Variants in CACNA1B observed in about 807,000 individuals in gnomAD.
CACNA1B encodes voltage-dependent N-type calcium channel subunit alpha-1B.
CACNA1B carries 70 observed loss-of-function variants against 247.2 expected under a neutral mutation model. The ratio of observed to expected loss-of-function variants is 0.28; its 90% confidence interval spans 0.23 to 0.35. The LOEUF (loss-of-function observed/expected upper bound fraction) is 0.35. Ranked by LOEUF, CACNA1B falls within the 10% of genes least tolerant of loss-of-function variation. The pLI is 1.00. For synonymous variants in CACNA1B, 1,231 were observed against 1,294.4 expected (o/e 0.95, Z 1.05); for missense variants, 2,367 against 3,197.4 (o/e 0.74, Z 6.26).
intron 15 of CACNA1B, among the ~76,000 whole-genome samples, chr9:138,006,155 G>C (rs1958646706): frequency 6.6e-6 from 1 of 152,182 alleles, no homozygotes; most frequent in Admixed American, 6.5e-5. Flanking sequence ...GTCACGGGGA[G>C]GGGGACCATT....
chr9:137,953,285 A>G (rs1564205305), intron 7 of CACNA1B, among the ~76,000 whole-genome samples: 3 of 152,226 alleles, frequency 2.0e-5, no homozygotes, highest in South Asian at 2.1e-4. Flanking sequence ...CCTTGGCCTC[A>G]GCTCCCCAGT....
intron 20 of CACNA1B, among the ~76,000 whole-genome samples, chr9:138,034,206 T>G (rs1344383006): frequency 6.6e-6 from 1 of 152,144 alleles, no homozygotes. Flanking sequence ...GCTTGCTCCA[T>G]TGAGTAAGAG....
Position 138,058,973 on chromosome 9 carries a change from G to A in CACNA1B, c.4474-106G>A. 1 of 753,064 alleles carries A rather than the reference G, an allele frequency of 1.3e-6. No individual in the cohort carries two copies. The highest frequency in any genetic ancestry group is 2.3e-6 in the Non-Finnish European group (1 of 430,608). The allele number at this position is 753,064 out of a possible 1,614,324, so 46.6% of individuals were successfully genotyped here. On this transcript the variant is annotated intron_variant, in intron 29 of 46. Transcript: ENST00000371372. This position sits in a 1 kb window ranked among gnomAD's most constrained non-coding sequence, Gnocchi z 4.7. ...GCAGGAAGGGGTGTCCCAGGCCTAG[G>A]CAGGCATCGAGTTCTGTCTGCCCGC...
chr9:137,893,162 A>T (rs1480840624), intron 3 of CACNA1B, among the ~76,000 whole-genome samples: 3 of 151,982 alleles, frequency 2.0e-5, no homozygotes, highest in Non-Finnish European at 4.4e-5. Context: ...GGCCCGGTGC[A>T]CAGCTGCTAG....
Position 137,973,891 on chromosome 9 carries a change from C to T in CACNA1B, c.1544-2016C>T, listed in dbSNP as rs1335987047. The stretch of plus-strand genomic sequence containing the variant: ...AGTTTTACCGTTTGCATTTCTTGTA[C>T]TTGTTCCTTGCAAAGTGCTCTCACT... On this transcript the variant is annotated intron_variant, in intron 11 of 46. Transcript: ENST00000371372. This position sits in a 1 kb window ranked among gnomAD's most constrained non-coding sequence, Gnocchi z 4.1. 1.3e-5 allele frequency among the ~76,000 whole-genome samples: 2 copies of T among 152,158 alleles called. No homozygotes were observed. Among genetic ancestry groups the T allele is most frequent in the African/African-American group, 2.4e-5 (1 of 41,422 alleles).
At chr9:138,105,863 C>T in intron 39 of CACNA1B, 56 bp downstream of exon 39, 1 of 955,182 alleles carries the variant, frequency 1.0e-6, no homozygotes, top group South Asian at 1.4e-5. Context: ...GCACCTCCGC[C>T]CTCAGTGTCA....
At chr9:137,885,124 G>A (rs1956991801) in intron 3 of CACNA1B, among the ~76,000 whole-genome samples, 1 of 149,446 alleles carries the variant, frequency 6.7e-6, no homozygotes, top group Admixed American at 6.7e-5. Flanking sequence ...TCTGCAGCAG[G>A]GCCTGGGCGT....
intron 36 of CACNA1B, among the ~76,000 whole-genome samples, chr9:138,094,567 AAT>A (rs1397947498): frequency 1.3e-5 from 2 of 152,128 alleles, no homozygotes; most frequent in Non-Finnish European, 2.9e-5. Flanking sequence ...ATCATGGTCA[AAT>A]ATGCCACAAG....
In CACNA1B at chr9:137,955,813, G is replaced by C; in HGVS notation, c.1186G>C (p.Glu396Gln). 6.3e-7 allele frequency: 1 copy of C among 1,589,186 alleles called. No individual in the cohort carries two copies. Among genetic ancestry groups the C allele is most frequent in the Non-Finnish European group, 8.6e-7 (1 of 1,162,834 alleles). ...GTACCTGGAGTGGATCTTCAAGGCG[G>C]GTGAGGGCCCGTGGGAGCCACTGCA... ...NGYLEWIFKA[E>Q]EVMLAEEDRN... The change falls in exon 8 of 47, where the codon GAG becomes CAG. Residue 396 changes from glutamate (E) to glutamine (Q), a missense_variant and splice_region_variant. Around this residue, in one of 12 missense-constraint regions of CACNA1B, gnomAD observed 219 missense variants for 297.6 expected, o/e 0.74. Coordinates refer to ENST00000371372, the MANE Select transcript of CACNA1B (RefSeq NM_000718.4). This position sits in a 1 kb window ranked among gnomAD's most constrained non-coding sequence, Gnocchi z 6.9.
At chr9:138,026,440 C>T (rs567584869) in intron 20 of CACNA1B, among the ~76,000 whole-genome samples, 1 of 152,320 alleles carries the variant, frequency 6.6e-6, no homozygotes, top group South Asian at 2.1e-4. Context: ...ATGCTCTTCC[C>T]CACACCCCTG....
chr9:137,995,212 C>CAAAAAAAAAAAAAAAAAAAATCAGAAA (rs34306133), intron 15 of CACNA1B, among the ~76,000 whole-genome samples: 1 of 115,746 alleles, frequency 8.6e-6, no homozygotes. Flanking sequence ...GACTCCGTCT[C>CAAAAAAAAAAAAAAAAAAAATCAGAAA]AAAAAAAAAA....
intron 18 of CACNA1B, among the ~76,000 whole-genome samples, chr9:138,021,010 C>T (rs1958838597): frequency 6.6e-6 from 1 of 152,202 alleles, no homozygotes; most frequent in Non-Finnish European, 1.5e-5. Context: ...AGCCCAGGCC[C>T]CTCTCGGGCA....
Position 138,100,323 on chromosome 9 carries a change from A to G in CACNA1B, c.5223-2388A>G, listed in dbSNP as rs1313349490. On this transcript the variant is annotated intron_variant, in intron 37 of 46. Coordinates refer to ENST00000371372, the MANE Select transcript of CACNA1B (RefSeq NM_000718.4). The surrounding 1 kb of genome is among the most constrained non-coding windows in gnomAD (Gnocchi z 4.6). ...ACAAGTCGCTTTGATTTTGCGTTGT[A>G]GACAGTGGGCTCAGTCCTTGCATCG... is the stretch of plus-strand genomic sequence containing the variant. 3.3e-5 allele frequency among the ~76,000 whole-genome samples: 5 copies of G among 152,076 alleles called. No individual in the cohort carries two copies. The highest frequency in any genetic ancestry group is 2.1e-4 in the South Asian group (1 of 4,814).
At chr9:137,947,902 G>A (rs1213769531) in intron 6 of CACNA1B, among the ~76,000 whole-genome samples, 1 of 150,746 alleles carries the variant, frequency 6.6e-6, no homozygotes, top group African/African-American at 2.4e-5. Flanking sequence ...TAATGTGTTT[G>A]CCTGGGGTTT....
At position 138,052,249 on chromosome 9, in the gene CACNA1B, CGT is replaced by C. The variant is rs140068697; in HGVS notation, c.3807+74_3807+75del. On this transcript the variant is annotated intron_variant, in intron 25 of 46. Transcript: ENST00000371372. The surrounding 1 kb of genome is among the most constrained non-coding windows in gnomAD (Gnocchi z 5.1). ...GTGTGTGTGTGCGTGTGTGTGTGTGCGTGTGTGTGTGTGTATGCATGCAGTGC... is the reference window on the plus strand; with the variant it reads ...GTGTGTGTGTGCGTGTGTGTGTGTGCGTGTGTGTGTGTATGCATGCAGTGC... 3.9e-3 allele frequency: 2,936 copies of C among 751,968 alleles called. No individual in the cohort carries two copies. Among genetic ancestry groups the C allele is most frequent in the Non-Finnish European group, 4.7e-3 (2,081 of 446,750 alleles). The allele number at this position is 751,968 out of a possible 1,614,324, so 46.6% of individuals were successfully genotyped here.
At position 138,051,898 on chromosome 9, in the gene CACNA1B, GC is replaced by G. The variant is rs1018800213; in HGVS notation, c.3711-192del. On this transcript the variant is annotated intron_variant, in intron 24 of 46. Transcript: ENST00000371372. This position sits in a 1 kb window ranked among gnomAD's most constrained non-coding sequence, Gnocchi z 4.3. ...GCTCCTGTCCTTAGATGAGGCCCGG[GC>G]CAGGCAGCCCCTGGGAAGAGTCATG... 1.3e-5 allele frequency among the ~76,000 whole-genome samples: 2 copies of G among 152,118 alleles called. No homozygotes were observed. The highest frequency in any genetic ancestry group is 2.9e-5 in the Non-Finnish European group (2 of 68,028).
rs373939143 is a variant in CACNA1B, at chr9:137,909,105, C to G, written c.531-4075C>G. ...TCCTGGGTTCCAGCGATTCTCCCAC[C>G]TCAGCCTCCCGAGTAGCTGGGATTA... is the stretch of plus-strand genomic sequence containing the variant. On this transcript the variant is annotated intron_variant, in intron 3 of 46. Coordinates refer to ENST00000371372, the MANE Select transcript of CACNA1B (RefSeq NM_000718.4). Among the ~76,000 whole-genome samples the G allele has an allele frequency of 7.2e-5, 11 of 151,906 alleles. No homozygotes were observed. The South Asian group carries it at 8.3e-4, about 11-fold the overall frequency.
chr9:138,021,970 GATA>G (rs1339892340), intron 18 of CACNA1B, among the ~76,000 whole-genome samples: 2 of 152,222 alleles, frequency 1.3e-5, no homozygotes, highest in East Asian at 1.9e-4. Flanking sequence ...TTAGTTTTGG[GATA>G]ATAAGACCTT....
chr9:138,049,180 C>T (rs771945008), intron 23 of CACNA1B, 29 bp from the exon 24 acceptor site: 30 of 1,387,576 alleles, frequency 2.2e-5, no homozygotes, highest in African/African-American at 1.7e-4. Context: ...TGGACTATGA[C>T]GTATCTAACG....
Sources: allele counts gnomAD v4.1 joint callset (sites outside exome capture counted in the v4.1 genomes callset), GRCh38; gene constraint gnomAD v4.1.1; regional missense constraint gnomAD v4.1.1; non-coding constraint Gnocchi (gnomAD v3.1); transcripts MANE v1.5; gene names NCBI Gene and HGNC (gene_info 2026-07-23, HGNC 2026-07-21).